The following ENOX1 variants were observed in gnomAD, a reference collection of about 807,000 sequenced individuals.
ENOX1 encodes the protein ecto-NOX disulfide-thiol exchanger 1, also known as candidate growth-related and time keeping constitutive hydroquinone (NADH) oxidase.
In ENOX1, 42 loss-of-function variants were observed where a neutral mutation model predicts 82.5. That is an observed-to-expected ratio of 0.51 (90% CI 0.40 to 0.66). ENOX1 has a LOEUF of 0.66. Among genes scored for constraint, ENOX1 ranks in the 30% least tolerant of loss-of-function variants. The pLI is 0.00. For missense variants in ENOX1, 608 were observed against 811.6 expected, an observed-to-expected ratio of 0.75 and a Z score of 3.05; for synonymous variants, 271 against 282.2, an observed-to-expected ratio of 0.96 and a Z score of 0.40.
chr13:43,369,058 A>G (rs2051042743), intron 5 of ENOX1, among the ~76,000 whole-genome samples: 1 of 151,884 alleles, frequency 6.6e-6, no homozygotes, highest in African/African-American at 2.4e-5. Flanking sequence ...TTTCAAAGTG[A>G]GAAATTTATC....
chr13:43,776,560 AT>A (rs374989176), intron 1 of ENOX1, among the ~76,000 whole-genome samples: 36 of 152,312 alleles, frequency 2.4e-4, no homozygotes, highest in African/African-American at 7.2e-4. Flanking sequence ...TACCTTCAAG[AT>A]TTTCCACTGA....
chr13:43,583,307 G>A (rs893372148), intron 2 of ENOX1, among the ~76,000 whole-genome samples: 15 of 152,210 alleles, frequency 9.9e-5, no homozygotes, highest in African/African-American at 3.6e-4. Flanking sequence ...TCATGACTGA[G>A]TGAAATTTAT....
intron 14 of ENOX1, among the ~76,000 whole-genome samples, chr13:43,247,848 TATATATATATATATATATATATATA>T (rs1566328637): frequency 0.027 from 51 of 1,890 alleles, 3 homozygotes; most frequent in African/African-American, 0.058. Flanking sequence ...TATATATATA[TATATATATATATATATATATATATA>T]TATATATATA....
At chr13:43,484,212 T>C (rs1208484635) in intron 2 of ENOX1, 60 bp from the exon 3 acceptor site, 1 of 904,204 alleles carries the variant, frequency 1.1e-6, no homozygotes, top group Non-Finnish European at 1.3e-6. Flanking sequence ...CTGCCTGTAA[T>C]GGTATTATTA....
intron 1 of ENOX1, among the ~76,000 whole-genome samples, chr13:43,760,860 G>A (rs1274733946): frequency 5.0e-4 from 64 of 127,246 alleles, no homozygotes; most frequent in South Asian, 8.2e-4. Flanking sequence ...CATTAAAGTG[G>A]AAAAAAAAAA....
At chr13:43,269,180 C>T (rs2044547339) in intron 13 of ENOX1, among the ~76,000 whole-genome samples, 1 of 152,150 alleles carries the variant, frequency 6.6e-6, no homozygotes, top group Non-Finnish European at 1.5e-5. Flanking sequence ...TGAAACATAC[C>T]TCATTGCCAG....
intron 12 of ENOX1, among the ~76,000 whole-genome samples, chr13:43,276,260 C>G (rs2045024606): frequency 6.6e-6 from 1 of 152,068 alleles, no homozygotes; most frequent in Admixed American, 6.5e-5. Flanking sequence ...CCCAGCAGTC[C>G]TTTTAACATT....
intron 3 of ENOX1, among the ~76,000 whole-genome samples, chr13:43,414,514 GA>G (rs1486613769): frequency 6.6e-6 from 1 of 152,164 alleles, no homozygotes; most frequent in Non-Finnish European, 1.5e-5. Flanking sequence ...TCTCACCATA[GA>G]AAATAAATTC....
chr13:43,275,557 G>C (rs935415763), intron 12 of ENOX1, among the ~76,000 whole-genome samples: 3 of 148,356 alleles, frequency 2.0e-5, no homozygotes, highest in South Asian at 2.2e-4. Flanking sequence ...GATAGATATA[G>C]ACAGTGACTG....
At chr13:43,616,166 C>CTATATATAGA (rs1566641724) in intron 2 of ENOX1, among the ~76,000 whole-genome samples, 17 of 9,244 alleles carry the variant, frequency 1.8e-3, no homozygotes, top group African/African-American at 3.4e-3. Flanking sequence ...AGATATCTAT[C>CTATATATAGA]TATCTATCTA....
intron 3 of ENOX1, among the ~76,000 whole-genome samples, chr13:43,469,626 A>G (rs1313620486): frequency 2.0e-5 from 3 of 152,028 alleles, no homozygotes; most frequent in Non-Finnish European, 4.4e-5. Flanking sequence ...AGATCTATAT[A>G]AATGCAGAGA....
chr13:43,698,703 T>A (rs111399998), intron 1 of ENOX1, among the ~76,000 whole-genome samples: 6 of 152,184 alleles, frequency 3.9e-5, no homozygotes, highest in Non-Finnish European at 7.3e-5. Context: ...AACACTGCAC[T>A]TTTCACAAAA....
chr13:43,576,107 T>G (rs1207299717), intron 2 of ENOX1, among the ~76,000 whole-genome samples: 1 of 152,226 alleles, frequency 6.6e-6, no homozygotes, highest in Non-Finnish European at 1.5e-5. Context: ...GGAAAAGGAC[T>G]CATAAAAAGC....
intron 2 of ENOX1, among the ~76,000 whole-genome samples, chr13:43,496,177 T>G (rs567227353): frequency 7.0e-6 from 1 of 142,654 alleles, no homozygotes; most frequent in Admixed American, 7.0e-5. Flanking sequence ...TATAGTTAAC[T>G]GATTTTTTTC....
intron 2 of ENOX1, among the ~76,000 whole-genome samples, chr13:43,617,897 G>T (rs909410061): frequency 0.011 from 1,035 of 97,900 alleles, 9 homozygotes; most frequent in African/African-American, 0.028. Context: ...CTGGTTTGTT[G>T]TTGTTGTTGT....
At chr13:43,488,904 A>G (rs936386460) in intron 2 of ENOX1, among the ~76,000 whole-genome samples, 2 of 152,256 alleles carry the variant, frequency 1.3e-5, no homozygotes, top group African/African-American at 4.8e-5. Context: ...GAAATGCAGA[A>G]CTTAAGAGCA....
intron 13 of ENOX1, among the ~76,000 whole-genome samples, chr13:43,265,785 A>G (rs1593607011): frequency 6.6e-6 from 1 of 152,232 alleles, no homozygotes; most frequent in East Asian, 1.9e-4. Context: ...TTGGATTGCT[A>G]TTAATTTAAA....
At chr13:43,712,739 CTTA>C (rs1354460567) in intron 1 of ENOX1, among the ~76,000 whole-genome samples, 1 of 152,106 alleles carries the variant, frequency 6.6e-6, no homozygotes, top group African/African-American at 2.4e-5. Context: ...TATAAGAATG[CTTA>C]TGATTTTTGT....
At chr13:43,433,935 A>G (rs2055842690) in intron 3 of ENOX1, among the ~76,000 whole-genome samples, 1 of 152,226 alleles carries the variant, frequency 6.6e-6, no homozygotes, top group South Asian at 2.1e-4. Flanking sequence ...ACAGGCCTGA[A>G]GCTAGAGTCT....
Sources: gnomAD v4.1 joint callset for allele counts (sites outside exome capture counted in the v4.1 genomes callset) on GRCh38, gnomAD v4.1.1 for gene constraint, MANE v1.5 for transcripts, NCBI Gene and HGNC (gene_info 2026-07-23, HGNC 2026-07-21) for gene names.